The following ITPR1 variants were observed in gnomAD, a reference collection of about 807,000 sequenced individuals.
ITPR1 encodes inositol 1,4,5-trisphosphate receptor type 1.
ITPR1 carries 96 observed loss-of-function variants against 318.4 expected under a neutral mutation model. That is an observed-to-expected ratio of 0.30 (90% CI 0.26 to 0.36). The LOEUF is 0.36. Among genes scored for constraint, ITPR1 ranks in the 10% least tolerant of loss-of-function variants. ITPR1 has a pLI of 1.00. For missense variants in ITPR1, 2,440 were observed against 3,460.2 expected (o/e 0.71, Z 7.40); for synonymous variants, 1,312 against 1,289.9 (o/e 1.02, Z -0.37).
chr3:4,601,192 T>TTTTG (rs56855506), intron 4 of ITPR1, among the ~76,000 whole-genome samples: 6 of 149,698 alleles, frequency 4.0e-5, no homozygotes, highest in African/African-American at 1.5e-4. Flanking sequence ...TTTTTTTTTT[T>TTTTG]GGCACTGGGG....
intron 54 of ITPR1, among the ~76,000 whole-genome samples, chr3:4,802,986 G>A (rs370327500): frequency 2.6e-5 from 4 of 152,068 alleles, no homozygotes; most frequent in Admixed American, 6.6e-5. Flanking sequence ...CCTGAGACTC[G>A]GTAATTTATA....
At chr3:4,739,471 C>T (rs1055405779) in intron 44 of ITPR1, among the ~76,000 whole-genome samples, 2 of 152,084 alleles carry the variant, frequency 1.3e-5, no homozygotes, top group Non-Finnish European at 2.9e-5. Flanking sequence ...TACAGTCTGC[C>T]CTCTGTGTTT....
intron 4 of ITPR1, among the ~76,000 whole-genome samples, chr3:4,616,665 A>T (rs1442581913): frequency 6.6e-6 from 1 of 152,220 alleles, no homozygotes; most frequent in African/African-American, 2.4e-5. Context: ...GGTTTTGAAG[A>T]GTTCAGATTC....
chr3:4,502,643 G>T (rs1052366132), intron 2 of ITPR1, among the ~76,000 whole-genome samples: 2 of 151,854 alleles, frequency 1.3e-5, no homozygotes, highest in Non-Finnish European at 2.9e-5. Context: ...ATTTCACCAT[G>T]TTGGCCAGGA....
intron 42 of ITPR1, among the ~76,000 whole-genome samples, chr3:4,728,054 A>G (rs927215888): frequency 1.3e-5 from 2 of 152,284 alleles, no homozygotes; most frequent in Admixed American, 6.5e-5. Context: ...GAAAGTTAAC[A>G]GCTGCCTGAA....
At chr3:4,644,687 A>G (rs2093415608) in intron 8 of ITPR1, among the ~76,000 whole-genome samples, 1 of 152,200 alleles carries the variant, frequency 6.6e-6, no homozygotes, top group Non-Finnish European at 1.5e-5. Flanking sequence ...ATTAGCAATT[A>G]TAGGATGCAA....
chr3:4,635,779 T>C (rs1320121295), intron 5 of ITPR1, among the ~76,000 whole-genome samples: 1 of 152,228 alleles, frequency 6.6e-6, no homozygotes, highest in Non-Finnish European at 1.5e-5. Context: ...TGTACCTTGT[T>C]ACCTTTTCAT....
intron 10 of ITPR1, among the ~76,000 whole-genome samples, chr3:4,647,591 C>T (rs1213188896): frequency 6.6e-6 from 1 of 152,184 alleles, no homozygotes; most frequent in Non-Finnish European, 1.5e-5. Flanking sequence ...TCTTCCATAT[C>T]CTTACCAACA....
intron 60 of ITPR1, among the ~76,000 whole-genome samples, chr3:4,823,496 C>A (rs980483094): frequency 5.3e-5 from 8 of 151,960 alleles, no homozygotes; most frequent in African/African-American, 1.9e-4. Flanking sequence ...GAAATCCTGT[C>A]ATTTGCAGCA....
intron 46 of ITPR1, among the ~76,000 whole-genome samples, chr3:4,772,666 G>A (rs1363859486): frequency 2.0e-5 from 3 of 152,190 alleles, no homozygotes; most frequent in Non-Finnish European, 4.4e-5. Flanking sequence ...TTGGTCCCAG[G>A]CTCTTCAAGG....
chr3:4,753,904 G>T (rs2044742577), intron 44 of ITPR1, among the ~76,000 whole-genome samples: 1 of 152,094 alleles, frequency 6.6e-6, no homozygotes, highest in South Asian at 2.1e-4. Context: ...TTGCAGATGA[G>T]GGAACTGAGG....
At chr3:4,649,655 G>A (rs534075140) in intron 10 of ITPR1, among the ~76,000 whole-genome samples, 1 of 152,308 alleles carries the variant, frequency 6.6e-6, no homozygotes, top group East Asian at 1.9e-4. Context: ...GATGATGTCT[G>A]AGTCCAAATC....
Position 4,662,246 on chromosome 3 carries a change from A to T in ITPR1, c.1412+4A>T. The T allele has an allele frequency of 6.2e-7, 1 of 1,600,500 alleles. No homozygotes were observed. The highest frequency in any genetic ancestry group is 1.1e-5 in the South Asian group (1 of 88,792). ...CCATCACCCAGAATGAAAGGAGGTG[A>T]GCACTCCCGCATGCTCAGCACAGCC... On this transcript the variant is annotated splice_donor_region_variant and intron_variant, in intron 15 of 61. Transcript: ENST00000649015.
intron 13 of ITPR1, among the ~76,000 whole-genome samples, chr3:4,660,199 C>G (rs970935265): frequency 6.6e-6 from 1 of 152,164 alleles, no homozygotes; most frequent in Non-Finnish European, 1.5e-5. Context: ...ATTGTTTTAA[C>G]TTGTGTAACT....
At chr3:4,620,997 C>T (rs891286033) in intron 4 of ITPR1, among the ~76,000 whole-genome samples, 3 of 151,904 alleles carry the variant, frequency 2.0e-5, no homozygotes, top group Non-Finnish European at 4.4e-5. Context: ...ACAGCCTACT[C>T]ACTACTCAGC....
intron 4 of ITPR1, among the ~76,000 whole-genome samples, chr3:4,523,652 A>G (rs2082740118): frequency 6.6e-6 from 1 of 152,204 alleles, no homozygotes; most frequent in Non-Finnish European, 1.5e-5. Flanking sequence ...TAGATTCCAC[A>G]TATAAGCAAG....
intron 4 of ITPR1, among the ~76,000 whole-genome samples, chr3:4,592,849 C>T (rs1190020707): frequency 1.3e-5 from 2 of 152,162 alleles, no homozygotes; most frequent in Non-Finnish European, 2.9e-5. Flanking sequence ...ACCTTTGGAG[C>T]AAGGAGATTG....
chr3:4,547,017 T>C (rs940062919), intron 4 of ITPR1, among the ~76,000 whole-genome samples: 1 of 152,156 alleles, frequency 6.6e-6, no homozygotes, highest in African/African-American at 2.4e-5. Context: ...TCTTGACCTG[T>C]CTGGGCCTTT....
chr3:4,564,916 A>C (rs951532398), intron 4 of ITPR1, among the ~76,000 whole-genome samples: 2 of 152,216 alleles, frequency 1.3e-5, no homozygotes, highest in Admixed American at 6.5e-5. Flanking sequence ...GGAATTTTAC[A>C]ATGGGGACGC....
Sources: gnomAD v4.1 joint callset for allele counts (sites outside exome capture counted in the v4.1 genomes callset) on GRCh38, gnomAD v4.1.1 for gene constraint, MANE v1.5 for transcripts, NCBI Gene and HGNC (gene_info 2026-07-23, HGNC 2026-07-21) for gene names.